Variants in CYP20A1 observed in about 807,000 individuals in gnomAD.
The protein encoded by CYP20A1 is cytochrome P450 20A1.
In CYP20A1, 61 loss-of-function variants were observed where a neutral mutation model predicts 61.4. That is an observed-to-expected ratio of 0.99 (90% CI 0.81 to 1.23). The LOEUF is 1.23. Ranked by LOEUF, CYP20A1 falls within the 50% of genes most tolerant of loss-of-function variation. The pLI is 0.00. For missense variants in CYP20A1, 530 were observed against 542.4 expected, an observed-to-expected ratio of 0.98 and a Z score of 0.23; for synonymous variants, 193 against 188.2, an observed-to-expected ratio of 1.03 and a Z score of -0.21.
rs180687747 is a variant in CYP20A1 at position 203,296,487 on chromosome 2, C to A, written c.1162C>A (p.Arg388=). 49 of 1,610,372 alleles carry A rather than the reference C, an allele frequency of 3.0e-5. No homozygotes were observed. The highest frequency in any genetic ancestry group is 4.1e-5 in the Non-Finnish European group (48 of 1,177,936). The part of the protein sequence containing the change: ...WPSPHKFDPD[R]FDDELVMKTF... The stretch of plus-strand genomic sequence containing the variant: ...TTTTCTTTGTAGGTTTGATCCAGAT[C>A]GGTTTGATGATGAATTAGTAATGAA... Residue 388 remains arginine (R), a synonymous_variant, in exon 12 of 13, where the codon CGG becomes AGG. Coordinates refer to ENST00000356079, the MANE Select transcript of CYP20A1 (RefSeq NM_177538.3).
intron 8 of CYP20A1, among the ~76,000 whole-genome samples, chr2:203,283,657 T>C (rs988880942): frequency 2.6e-5 from 4 of 151,356 alleles, no homozygotes; most frequent in African/African-American, 9.7e-5. Context: ...CAAGCAATTC[T>C]CCTGCCTCAG....
intron 3 of CYP20A1, 149 bp from the exon 4 acceptor site, chr2:203,251,818 A>ATATATAT (rs34132653): frequency 0.068 from 5,271 of 77,390 alleles, 361 homozygotes; most frequent in Non-Finnish European, 0.09. Context: ...TATATATATA[A>ATATATAT]AAAATAAAAA....
chr2:203,247,003 G>T (rs1329554240), intron 3 of CYP20A1, 82 bp downstream of exon 3: 3 of 1,383,340 alleles, frequency 2.2e-6, no homozygotes, highest in Non-Finnish European at 3.0e-6. Context: ...GCTCACACCT[G>T]TAATCCCAAC....
intron 11 of CYP20A1, among the ~76,000 whole-genome samples, chr2:203,292,904 C>T (rs1048308429): frequency 3.9e-5 from 6 of 152,114 alleles, no homozygotes; most frequent in East Asian, 2.0e-4. Flanking sequence ...GGCCGGGCAC[C>T]GTGGCTCATG....
At position 203,299,576 on chromosome 2, in the gene CYP20A1, T is replaced by A. The variant is rs895997848; in HGVS notation, c.*2668T>A. The stretch of plus-strand genomic sequence containing the variant: ...AAAAAAAAATTTTTTTTGGAATAAC[T>A]TAAATTCTAAAACTTTGGCCGGGCG... On this transcript the variant is annotated 3_prime_UTR_variant, in exon 13 of 13. Transcript: ENST00000356079. 3.3e-5 allele frequency among the ~76,000 whole-genome samples: 5 copies of A among 152,304 alleles called. No homozygotes were observed. Among genetic ancestry groups the A allele is most frequent in the African/African-American group, 1.2e-4 (5 of 41,572 alleles).
chr2:203,240,433 C>T (rs942225293), intron 1 of CYP20A1, among the ~76,000 whole-genome samples: 1 of 152,118 alleles, frequency 6.6e-6, no homozygotes, highest in Non-Finnish European at 1.5e-5. Flanking sequence ...GGAATCCAGC[C>T]GTGAAACAAA....
chr2:203,246,841 C>G lies in CYP20A1; in HGVS notation c.209C>G (p.Ser70Cys). Reference protein sequence around the residue: ...NLHERYGPVVSFWFGRRLVVS... With the variant: ...NLHERYGPVVCFWFGRRLVVS... ...CATGAGAGATATGGGCCTGTGGTCT[C>G]CTTCTGGTTTGGCAGGCGCCTCGTG... Residue 70 changes from serine (S) to cysteine (C), a missense_variant, in exon 3 of 13, where the codon TCC (serine) becomes TGC (cysteine). Ser to Cys is a moderately radical substitution (Grantham distance 112). Coordinates refer to ENST00000356079, the MANE Select transcript of CYP20A1 (RefSeq NM_177538.3). 1 of 1,614,100 alleles carries G rather than the reference C, an allele frequency of 6.2e-7. No homozygotes were observed. The highest frequency in any genetic ancestry group is 1.1e-5 in the South Asian group (1 of 91,084).
At chr2:203,271,040 A>G (rs1172388955) in intron 5 of CYP20A1, among the ~76,000 whole-genome samples, 2 of 91,392 alleles carry the variant, frequency 2.2e-5, no homozygotes, top group Non-Finnish European at 4.4e-5. Context: ...GTATATATAT[A>G]TATATGTATA....
At chr2:203,248,316 A>C (rs1575169732) in intron 3 of CYP20A1, among the ~76,000 whole-genome samples, 1 of 152,114 alleles carries the variant, frequency 6.6e-6, no homozygotes, top group African/African-American at 2.4e-5. Context: ...GGCAGATCAC[A>C]TGAGGTCAGG....
chr2:203,279,042 G>A (rs1454577730), intron 7 of CYP20A1, among the ~76,000 whole-genome samples: 1 of 152,014 alleles, frequency 6.6e-6, no homozygotes, highest in Non-Finnish European at 1.5e-5. Context: ...TCTGCTCACT[G>A]CAACCTCCAC....
chr2:203,296,663 A>G, intron 12 of CYP20A1, 95 bp from the exon 13 acceptor site: 1 of 1,422,520 alleles, frequency 7.0e-7, no homozygotes. Context: ...TTTTATTATT[A>G]TTGTACTTTA....
chr2:203,286,778 G>A (rs572143206), intron 9 of CYP20A1, among the ~76,000 whole-genome samples: 5 of 152,222 alleles, frequency 3.3e-5, no homozygotes, highest in Non-Finnish European at 5.9e-5. Flanking sequence ...AATTCAAACC[G>A]TACAGGTAAA....
chr2:203,262,367 A>G (rs2067168073), intron 4 of CYP20A1, among the ~76,000 whole-genome samples: 1 of 152,140 alleles, frequency 6.6e-6, no homozygotes, highest in African/African-American at 2.4e-5. Context: ...CTGCAAGTCT[A>G]TTAACAGCGA....
intron 9 of CYP20A1, among the ~76,000 whole-genome samples, chr2:203,286,166 G>A (rs1274054454): frequency 6.6e-6 from 1 of 152,186 alleles, no homozygotes; most frequent in East Asian, 1.9e-4. Context: ...GGACGTGCCT[G>A]TAGTCCAAGC....
chr2:203,278,729 C>T, intron 7 of CYP20A1, 41 bp downstream of exon 7: 4 of 1,149,384 alleles, frequency 3.5e-6, no homozygotes, highest in Non-Finnish European at 5.0e-6. Context: ...AAAAAATAAG[C>T]CAGAGCCAGG....
At chr2:203,250,166 G>A (rs533019429) in intron 3 of CYP20A1, among the ~76,000 whole-genome samples, 5 of 151,940 alleles carry the variant, frequency 3.3e-5, no homozygotes, top group African/African-American at 9.7e-5. Flanking sequence ...ATTTATATTA[G>A]CATTGTTTAT....
rs769645176 is a variant in CYP20A1 at position 203,285,751 on chromosome 2, G to C, written c.971+19G>C. 1.3e-6 allele frequency: 2 copies of C among 1,537,052 alleles called. No individual in the cohort carries two copies. The highest frequency in any genetic ancestry group is 4.7e-5 in the Admixed American group (2 of 42,550). ...AGCTCAGGTAAGAACACAATAAAAA[G>C]AGGAGATTATTAAAAGGTAAATTTG... On this transcript the variant is annotated intron_variant, in intron 9 of 12. Transcript: ENST00000356079.
intron 2 of CYP20A1, 107 bp downstream of exon 2, chr2:203,246,002 G>C (rs1186397972): frequency 1.1e-5 from 8 of 726,564 alleles, no homozygotes; most frequent in Middle Eastern, 3.9e-4. Context: ...AGCTACTGAG[G>C]AGGTTGAGGT....
At chr2:203,262,670 TTTG>T (rs574124769) in intron 4 of CYP20A1, among the ~76,000 whole-genome samples, 9 of 151,998 alleles carry the variant, frequency 5.9e-5, no homozygotes, top group Admixed American at 3.3e-4. Flanking sequence ...TATACAAGTT[TTTG>T]TTGTTGTTGT....
Sources: allele counts gnomAD v4.1 joint callset (sites outside exome capture counted in the v4.1 genomes callset), GRCh38; gene constraint gnomAD v4.1.1; transcripts MANE v1.5; gene names NCBI Gene and HGNC (gene_info 2026-07-23, HGNC 2026-07-21).